Variants in SCEL observed in about 807,000 individuals in gnomAD.
The protein encoded by SCEL is sciellin.
Under a neutral mutation model 117.6 loss-of-function variants are expected in SCEL, and 113 were observed. The ratio of observed to expected loss-of-function variants is 0.96; its 90% CI spans 0.83 to 1.12. The LOEUF (loss-of-function observed/expected upper bound fraction) is 1.12, where lower values mean the gene tolerates loss of function less well. SCEL is among the 50% of genes most tolerant of loss of function. The pLI is 0.00. For synonymous variants in SCEL, 270 were observed against 256.2 expected, an observed-to-expected ratio of 1.05 and a Z score of -0.51; for missense variants, 785 against 810.8, an observed-to-expected ratio of 0.97 and a Z score of 0.39.
intron 11 of SCEL, among the ~76,000 whole-genome samples, chr13:77,593,295 T>TGCGCGCGCGCGC (rs1555510777): frequency 3.1e-4 from 42 of 136,886 alleles, no homozygotes; most frequent in Admixed American, 1.9e-3. Flanking sequence ...TGTGTGTGTG[T>TGCGCGCGCGCGC]GTCTGTGTGT....
At chr13:77,535,873 C>T (rs895760204) in intron 1 of SCEL, 49 bp downstream of exon 1, 1 of 152,256 alleles carries the variant, frequency 6.6e-6, no homozygotes, top group African/African-American at 2.4e-5. Flanking sequence ...TGTATGTGCA[C>T]AGCTTTCTCT....
intron 14 of SCEL, 34 bp from the exon 15 acceptor site, chr13:77,599,655 G>T (rs983352816): frequency 1.3e-6 from 2 of 1,486,816 alleles, no homozygotes; most frequent in African/African-American, 1.4e-5. Flanking sequence ...ATTTCAGTAT[G>T]CAGCCTTTTA....
At chr13:77,634,560 C>T (rs1392641461) in intron 29 of SCEL, 110 bp downstream of exon 29, 13 of 676,346 alleles carry the variant, frequency 1.9e-5, no homozygotes, top group East Asian at 1.1e-4. Context: ...AATAGAAGAC[C>T]GTTTATAAGT....
At chr13:77,637,994 C>T (rs1033077287) in intron 30 of SCEL, among the ~76,000 whole-genome samples, 1 of 152,308 alleles carries the variant, frequency 6.6e-6, no homozygotes, top group South Asian at 2.1e-4. Flanking sequence ...ATTAGTATTT[C>T]AACCCAAGCC....
chr13:77,589,422 C>T (rs1370895541), intron 10 of SCEL, among the ~76,000 whole-genome samples, 198 bp downstream of exon 10: 3 of 152,106 alleles, frequency 2.0e-5, no homozygotes, highest in Non-Finnish European at 4.4e-5. Flanking sequence ...TAATGGCTAA[C>T]TTGTCTTAAG....
intron 2 of SCEL, among the ~76,000 whole-genome samples, chr13:77,556,301 C>T (rs1049672323): frequency 6.6e-5 from 10 of 152,152 alleles, no homozygotes; most frequent in Non-Finnish European, 1.3e-4. Context: ...CCCACTAAAT[C>T]CTGGCTCAGT....
At chr13:77,552,752 G>C (rs553966823) in intron 1 of SCEL, among the ~76,000 whole-genome samples, 2 of 152,250 alleles carry the variant, frequency 1.3e-5, no homozygotes, top group East Asian at 3.9e-4. Context: ...TGGTGTTTTA[G>C]ACATGAAGTC....
rs772277985 is a variant in SCEL at position 77,599,360 on chromosome 13, A to G, written c.829A>G (p.Asn277Asp). ...NQGLDSLFRA[N>D]PKVEEREKRA... is the part of the protein sequence containing the mutation. ...AGGTCTTGATAGTCTCTTCAGAGCA[A>G]ATCCAAAGGTAGAAGAAAGAGAGAA... The change falls in exon 14 of 33, where the codon AAT becomes GAT. Residue 277 changes from asparagine to aspartate, a missense_variant. Transcript: ENST00000349847. The G allele has an allele frequency of 8.1e-6, 13 of 1,612,966 alleles. No homozygotes were observed. In the South Asian group the frequency reaches 1.4e-4, roughly 18 times the overall value.
intron 22 of SCEL, 86 bp from the exon 23 acceptor site, chr13:77,612,805 G>A (rs975729312): frequency 3.0e-5 from 21 of 710,286 alleles, no homozygotes; most frequent in Non-Finnish European, 4.6e-5. Context: ...AAATTAGCAG[G>A]TCATTTGATT....
chr13:77,536,783 A>G (rs1826720491), intron 1 of SCEL, among the ~76,000 whole-genome samples: 2 of 152,170 alleles, frequency 1.3e-5, no homozygotes, highest in Admixed American at 1.3e-4. Flanking sequence ...ACCTGGCTCT[A>G]TCTGTAGTAC....
chr13:77,616,004 C>G (rs1407986), intron 24 of SCEL, among the ~76,000 whole-genome samples: 69,941 of 113,508 alleles, frequency 0.62, 18,057 homozygotes, highest in South Asian at 0.68. Context: ...TTATGTCTCT[C>G]TGTGTGTGTG....
chr13:77,626,442 T>G (rs914024165), intron 27 of SCEL, among the ~76,000 whole-genome samples: 3 of 152,202 alleles, frequency 2.0e-5, no homozygotes, highest in Non-Finnish European at 4.4e-5. Flanking sequence ...ATTAGTGTCC[T>G]TCTTTACAAA....
chr13:77,618,044 C>CT lies in SCEL; in HGVS notation c.1614dup (p.Arg539Ter), dbSNP rs746954684. The stretch of plus-strand genomic sequence containing the variant: ...TCTTATTAAAGTGAAACCTTCAGCT[C>CT]TTAGAAACACTAATCGGTAAATGAC... On this transcript the variant is annotated frameshift_variant, in exon 27 of 33. Transcript: ENST00000349847. LOFTEE classifies it high-confidence loss of function. The CT allele has an allele frequency of 6.2e-7, 1 of 1,612,502 alleles. No individual in the cohort carries two copies. Among genetic ancestry groups the CT allele is most frequent in the East Asian group, 2.2e-5 (1 of 44,864 alleles).
chr13:77,599,844 C>T, intron 15 of SCEL, 96 bp downstream of exon 15: 1 of 868,560 alleles, frequency 1.2e-6, no homozygotes, highest in Non-Finnish European at 1.9e-6. Flanking sequence ...GTCAGGCAGG[C>T]TGGTGGAATA....
intron 31 of SCEL, among the ~76,000 whole-genome samples, chr13:77,641,210 C>T (rs1351368910): frequency 1.3e-5 from 2 of 152,174 alleles, no homozygotes; most frequent in Non-Finnish European, 2.9e-5. Flanking sequence ...AATAGGTGAA[C>T]GTCAGTCTGC....
At chr13:77,550,779 G>A (rs1193845395) in intron 1 of SCEL, among the ~76,000 whole-genome samples, 1 of 152,132 alleles carries the variant, frequency 6.6e-6, no homozygotes, top group African/African-American at 2.4e-5. Flanking sequence ...TGGACATTGG[G>A]GTTGTTTCTA....
At chr13:77,559,717 G>T in intron 3 of SCEL, 87 bp from the exon 4 acceptor site, 1 of 1,151,048 alleles carries the variant, frequency 8.7e-7, no homozygotes, top group Non-Finnish European at 1.3e-6. Context: ...CAAAAATTGG[G>T]AGCTCGCCCG....
intron 28 of SCEL, among the ~76,000 whole-genome samples, 166 bp downstream of exon 28, chr13:77,628,175 T>A (rs2089854174): frequency 7.1e-6 from 1 of 141,406 alleles, no homozygotes; most frequent in Admixed American, 7.2e-5. Context: ...TGTGTGTATA[T>A]ATATATATAT....
At chr13:77,609,722 A>G (rs10871106) in intron 21 of SCEL, among the ~76,000 whole-genome samples, 15,692 of 152,184 alleles carry the variant, frequency 0.1, 1,352 homozygotes, top group East Asian at 0.44. Context: ...TATTCCCTCT[A>G]TGAAACTGGA....
Sources: gnomAD v4.1 joint callset for allele counts (sites outside exome capture counted in the v4.1 genomes callset) on GRCh38, gnomAD v4.1.1 for gene constraint, MANE v1.5 for transcripts, NCBI Gene and HGNC (gene_info 2026-07-23, HGNC 2026-07-21) for gene names.